The following SDK1 variants were observed in gnomAD, a reference collection of about 807,000 sequenced individuals.
The protein encoded by SDK1 is sidekick cell adhesion molecule 1, also known as protein sidekick-1.
SDK1 carries 157 observed loss-of-function variants against 245.5 expected under a neutral mutation model. That is an observed-to-expected ratio of 0.64 (90% CI 0.56 to 0.73). The LOEUF is 0.73. Ranked by LOEUF, SDK1 falls within the 30% of genes least tolerant of loss-of-function variation. The pLI is 0.00. For missense variants in SDK1, 3,583 were observed against 3,002.3 expected, an observed-to-expected ratio of 1.19 and a Z score of -4.52; for synonymous variants, 1,647 against 1,278.5, an observed-to-expected ratio of 1.29 and a Z score of -6.15.
At chr7:3,306,626 A>G (rs1779423222) in intron 1 of SDK1, among the ~76,000 whole-genome samples, 1 of 152,204 alleles carries the variant, frequency 6.6e-6, no homozygotes, top group Non-Finnish European at 1.5e-5. Flanking sequence ...AAATACTGAG[A>G]TAAAACAACG....
chr7:3,532,154 T>C (rs1312808979), intron 1 of SDK1, among the ~76,000 whole-genome samples: 2 of 152,198 alleles, frequency 1.3e-5, no homozygotes, highest in South Asian at 2.1e-4. Context: ...TTGATCTGTT[T>C]TCTGGCTCAG....
intron 5 of SDK1, among the ~76,000 whole-genome samples, chr7:3,939,511 T>G (rs577643328): frequency 6.6e-6 from 1 of 152,154 alleles, no homozygotes; most frequent in Non-Finnish European, 1.5e-5. Context: ...TATTTCAGTT[T>G]CCACAATAAA....
intron 4 of SDK1, among the ~76,000 whole-genome samples, chr7:3,701,924 C>CAAA (rs58687135): frequency 7.6e-4 from 65 of 85,662 alleles, no homozygotes; most frequent in Middle Eastern, 8.1e-3. Context: ...CGTGCATAAG[C>CAAA]AAAAAAAAAA....
intron 35 of SDK1, among the ~76,000 whole-genome samples, chr7:4,203,673 C>T (rs555179614): frequency 3.3e-5 from 5 of 152,274 alleles, no homozygotes; most frequent in South Asian, 4.1e-4. Flanking sequence ...AGAGTTGCAC[C>T]GGGGCTTGTC....
intron 22 of SDK1, among the ~76,000 whole-genome samples, chr7:4,096,205 C>G (rs1188153808): frequency 6.6e-6 from 1 of 152,192 alleles, no homozygotes; most frequent in Non-Finnish European, 1.5e-5. Flanking sequence ...CACTCAGATC[C>G]CCTCACTCTA....
At chr7:3,958,888 CCTT>C (rs1781462423) in intron 7 of SDK1, 40 bp from the exon 8 acceptor site, 5 of 1,472,118 alleles carry the variant, frequency 3.4e-6, no homozygotes, top group Non-Finnish European at 4.7e-6. Context: ...TCTGACATAT[CCTT>C]CTTTGGCTTA....
At chr7:3,536,096 G>A (rs936137446) in intron 1 of SDK1, among the ~76,000 whole-genome samples, 14 of 149,136 alleles carry the variant, frequency 9.4e-5, no homozygotes, top group African/African-American at 2.7e-4. Flanking sequence ...TCACTCTGTC[G>A]CCCAGGCTGG....
intron 1 of SDK1, among the ~76,000 whole-genome samples, chr7:3,432,326 A>T (rs890716812): frequency 6.6e-6 from 1 of 151,928 alleles, no homozygotes; most frequent in African/African-American, 2.4e-5. Context: ...ATCCTGCCCC[A>T]GTCAAGAATG....
chr7:3,502,424 A>G (rs1782246466), intron 1 of SDK1, among the ~76,000 whole-genome samples: 1 of 151,806 alleles, frequency 6.6e-6, no homozygotes, highest in Non-Finnish European at 1.5e-5. Flanking sequence ...TAATTTTTGT[A>G]TTTTTTGTAG....
At chr7:4,183,898 C>G (rs917974737) in intron 35 of SDK1, among the ~76,000 whole-genome samples, 27 of 152,288 alleles carry the variant, frequency 1.8e-4, no homozygotes, top group Middle Eastern at 3.4e-3. Context: ...TCTTGCACAC[C>G]CAAAACAACT....
At chr7:3,428,539 CAAATT>C (rs1438725997) in intron 1 of SDK1, among the ~76,000 whole-genome samples, 1 of 152,060 alleles carries the variant, frequency 6.6e-6, no homozygotes, top group Non-Finnish European at 1.5e-5. Context: ...ATGCTTCTGT[CAAATT>C]AAATACTCAT....
intron 35 of SDK1, among the ~76,000 whole-genome samples, chr7:4,205,101 C>A (rs554003655): frequency 9.4e-6 from 1 of 105,844 alleles, no homozygotes; most frequent in South Asian, 2.9e-4. Flanking sequence ...GTGAGCTCCT[C>A]CCCAGGGGGA....
chr7:3,397,071 C>A (rs753094099), intron 1 of SDK1, among the ~76,000 whole-genome samples: 1 of 151,764 alleles, frequency 6.6e-6, no homozygotes, highest in Non-Finnish European at 1.5e-5. Flanking sequence ...ACTTAAAATT[C>A]AGTTCAGGTT....
At chr7:3,909,190 C>G (rs529299533) in intron 5 of SDK1, among the ~76,000 whole-genome samples, 15 of 152,314 alleles carry the variant, frequency 9.8e-5, no homozygotes, top group African/African-American at 3.1e-4. Context: ...CAGTGAGACC[C>G]TCATCCTCTA....
At chr7:3,938,273 C>A (rs1054188947) in intron 5 of SDK1, among the ~76,000 whole-genome samples, 1 of 152,150 alleles carries the variant, frequency 6.6e-6, no homozygotes, top group Non-Finnish European at 1.5e-5. Flanking sequence ...ACTGAAAAGA[C>A]TTATGATCCC....
chr7:3,574,827 T>A (rs78412629), intron 1 of SDK1, among the ~76,000 whole-genome samples: 2 of 152,108 alleles, frequency 1.3e-5, no homozygotes, highest in Admixed American at 6.5e-5. Flanking sequence ...TTGACTGATA[T>A]GACCATGTTA....
At chr7:3,922,679 A>G (rs11760941) in intron 5 of SDK1, among the ~76,000 whole-genome samples, 2,462 of 152,140 alleles carry the variant, frequency 0.016, 43 homozygotes, top group Non-Finnish European at 0.024. Flanking sequence ...ATCTGTCTGC[A>G]CTCTTGTCAG....
chr7:4,110,731 G>C lies in SDK1; in HGVS notation c.3393G>C (p.Gln1131His). The C allele has an allele frequency of 6.2e-7, 1 of 1,613,980 alleles. No homozygotes were observed. The highest frequency in any genetic ancestry group is 8.5e-7 in the Non-Finnish European group (1 of 1,179,892). ...AAGAGGAGAATGAGCCTGATGCCCA[G>C]ATGCTGGAGATCCCAAACCTCACAC... ...LYEEENEPDAQMLEIPNLTPY... is the reference protein window; with the variant it reads ...LYEEENEPDAHMLEIPNLTPY... Residue 1131 changes from glutamine (Q) to histidine (H), a missense_variant, in exon 23 of 45, where the codon CAG becomes CAC. By Grantham distance (24) the Gln-to-His change is conservative. Coordinates refer to ENST00000404826, the MANE Select transcript of SDK1 (RefSeq NM_152744.4).
rs571647671 is a variant in SDK1, at chr7:4,004,583, T to C, written c.2132-6383T>C. On this transcript the variant is annotated intron_variant, in intron 14 of 44. Coordinates refer to ENST00000404826, the MANE Select transcript of SDK1 (RefSeq NM_152744.4). ...GACACTTTCTAAGAACTTTTTATTA[T>C]TAGAAGTACTAAATACACACAAAAA... is the stretch of plus-strand genomic sequence containing the variant. Among the ~76,000 whole-genome samples the C allele has an allele frequency of 1.2e-3, 190 of 152,304 alleles. 1 individual carries two copies. The highest frequency in any genetic ancestry group is 4.3e-3 in the African/African-American group (179 of 41,566).
Sources: gnomAD v4.1 joint callset for allele counts (sites outside exome capture counted in the v4.1 genomes callset) on GRCh38, gnomAD v4.1.1 for gene constraint, MANE v1.5 for transcripts, NCBI Gene and HGNC (gene_info 2026-07-23, HGNC 2026-07-21) for gene names.